Variants in ERBB4 observed in about 807,000 individuals in gnomAD.
The protein encoded by ERBB4 is erb-b2 receptor tyrosine kinase 4.
In ERBB4, 42 loss-of-function variants were observed where a neutral mutation model predicts 158.0. The observed-to-expected ratio is 0.27, with a 90% CI of 0.21 to 0.34. ERBB4 has a LOEUF of 0.34. Ranked by LOEUF, ERBB4 falls within the 10% of genes least tolerant of loss-of-function variation. The pLI is 1.00. For missense variants in ERBB4, 1,333 were observed against 1,624.1 expected (o/e 0.82, Z 3.08); for synonymous variants, 583 against 558.7 (o/e 1.04, Z -0.61).
At chr2:212,436,345 T>A (rs2092136767) in intron 1 of ERBB4, among the ~76,000 whole-genome samples, 1 of 151,826 alleles carries the variant, frequency 6.6e-6, no homozygotes, top group South Asian at 2.1e-4. Context: ...AAACAAAAAA[T>A]TTAGAAAGGC....
intron 5 of ERBB4, among the ~76,000 whole-genome samples, chr2:211,744,086 G>T (rs1283975233): frequency 6.6e-6 from 1 of 152,070 alleles, no homozygotes; most frequent in African/African-American, 2.4e-5. Flanking sequence ...TAAGTTGAAT[G>T]AGTTTGTTTT....
intron 20 of ERBB4, among the ~76,000 whole-genome samples, chr2:211,509,842 A>T (rs972961440): frequency 6.6e-6 from 1 of 152,158 alleles, no homozygotes; most frequent in African/African-American, 2.4e-5. Flanking sequence ...ACATGAAAAA[A>T]TGACCAACAT....
intron 19 of ERBB4, among the ~76,000 whole-genome samples, chr2:211,618,272 T>G (rs1175537027): frequency 2.0e-5 from 3 of 152,104 alleles, no homozygotes; most frequent in Non-Finnish European, 4.4e-5. Flanking sequence ...TAAAACAGTA[T>G]GGTTAATTTT....
chr2:211,803,462 G>A (rs1231915574), intron 3 of ERBB4, among the ~76,000 whole-genome samples: 3 of 152,104 alleles, frequency 2.0e-5, no homozygotes, highest in African/African-American at 2.4e-5. Flanking sequence ...CTGGTATTTG[G>A]TTTTAATGGG....
At chr2:212,512,466 C>T (rs1035012619) in intron 1 of ERBB4, among the ~76,000 whole-genome samples, 1 of 151,860 alleles carries the variant, frequency 6.6e-6, no homozygotes, top group Non-Finnish European at 1.5e-5. Context: ...ATGGCAGAAC[C>T]CAATAAATAG....
At chr2:212,227,558 C>T (rs891894529) in intron 1 of ERBB4, among the ~76,000 whole-genome samples, 3 of 152,088 alleles carry the variant, frequency 2.0e-5, no homozygotes, top group African/African-American at 7.2e-5. Context: ...AGAACCAATT[C>T]CTTCAAAATA....
Position 211,637,723 on chromosome 2 carries a change from C to T in ERBB4, c.1947-7129G>A, listed in dbSNP as rs142370663. ...ATAGTTTCACAATAACGATGTAACA[C>T]ATATCTTGTAAACTCCATATTAAAT... On this transcript the variant is annotated intron_variant, in intron 16 of 27. Transcript: ENST00000342788. Among the ~76,000 whole-genome samples, 613 of 152,046 alleles carry T rather than the reference C, an allele frequency of 4.0e-3. 4 individuals carry two copies. Among genetic ancestry groups the T allele is most frequent in the South Asian group, 0.017 (84 of 4,828 alleles).
At chr2:212,059,016 T>C (rs1311266264) in intron 2 of ERBB4, among the ~76,000 whole-genome samples, 1 of 152,178 alleles carries the variant, frequency 6.6e-6, no homozygotes, top group Non-Finnish European at 1.5e-5. Context: ...TGTTTGCAGA[T>C]GACATGATTG....
chr2:212,158,675 G>A (rs985617974), intron 1 of ERBB4, among the ~76,000 whole-genome samples: 5 of 151,916 alleles, frequency 3.3e-5, no homozygotes, highest in African/African-American at 4.8e-5. Context: ...ATTCTCTAAG[G>A]AAAGAGACAA....
At chr2:212,327,395 G>A (rs1163456498) in intron 1 of ERBB4, among the ~76,000 whole-genome samples, 2 of 151,872 alleles carry the variant, frequency 1.3e-5, no homozygotes, top group Non-Finnish European at 2.9e-5. Context: ...GCAATCCAAG[G>A]CCTGTTCTCA....
At chr2:211,631,384 C>A (rs932451542) in intron 16 of ERBB4, among the ~76,000 whole-genome samples, 4 of 152,092 alleles carry the variant, frequency 2.6e-5, no homozygotes, top group Non-Finnish European at 4.4e-5. Flanking sequence ...AGAATTGGTT[C>A]AGACATGTTT....
intron 20 of ERBB4, among the ~76,000 whole-genome samples, chr2:211,497,167 TAATTA>T (rs2065490005): frequency 2.0e-5 from 3 of 152,100 alleles, no homozygotes; most frequent in Admixed American, 1.3e-4. Context: ...ATCTAAATTA[TAATTA>T]AATATATGTT....
At chr2:212,300,669 A>G (rs1158461586) in intron 1 of ERBB4, among the ~76,000 whole-genome samples, 1 of 151,476 alleles carries the variant, frequency 6.6e-6, no homozygotes, top group Admixed American at 6.6e-5. Context: ...GCCAGAGTTA[A>G]ATATATCTAC....
chr2:212,199,817 C>G (rs1298455115), intron 1 of ERBB4, among the ~76,000 whole-genome samples: 1 of 152,026 alleles, frequency 6.6e-6, no homozygotes, highest in African/African-American at 2.4e-5. Flanking sequence ...CTGAAGGACT[C>G]CAGAGACAGC....
chr2:212,459,709 T>C (rs1299357882), intron 1 of ERBB4, among the ~76,000 whole-genome samples: 1 of 152,072 alleles, frequency 6.6e-6, no homozygotes, highest in African/African-American at 2.4e-5. Flanking sequence ...AGCTGCAGTA[T>C]CCAACATAGC....
At chr2:211,533,924 G>A (rs1169999579) in intron 20 of ERBB4, among the ~76,000 whole-genome samples, 1 of 152,024 alleles carries the variant, frequency 6.6e-6, no homozygotes, top group South Asian at 2.1e-4. Flanking sequence ...TTACTGAAGA[G>A]TAGAAAGTTC....
rs781423637 is a variant in ERBB4, at chr2:212,275,164, G to C, written c.83-150261C>G. ...ACATGTGCCAAATTTTCTTTATCCA[G>C]TCTATCATTGATGGGTATTTGGATT... is the stretch of plus-strand genomic sequence containing the variant. On this transcript the variant is annotated intron_variant, in intron 1 of 27. Coordinates refer to ENST00000342788, the MANE Select transcript of ERBB4 (RefSeq NM_005235.3). Among the ~76,000 whole-genome samples the C allele has an allele frequency of 5.0e-4, 76 of 151,852 alleles. 1 individual carries two copies. Among genetic ancestry groups the C allele is most frequent in the East Asian group, 3.9e-4 (2 of 5,150 alleles).
intron 1 of ERBB4, among the ~76,000 whole-genome samples, chr2:212,215,369 A>G (rs1213517711): frequency 1.3e-5 from 2 of 151,534 alleles, no homozygotes; most frequent in Non-Finnish European, 3.0e-5. Flanking sequence ...ACAAAAGCTG[A>G]AAAGTCTAAG....
Position 211,657,843 on chromosome 2 carries a change from A to G in ERBB4, c.1872-15T>C. 6.2e-7 allele frequency: 1 copy of G among 1,612,930 alleles called. No individual in the cohort carries two copies. The highest frequency in any genetic ancestry group is 8.5e-7 in the Non-Finnish European group (1 of 1,178,918). On this transcript the variant is annotated splice_polypyrimidine_tract_variant and intron_variant, in intron 15 of 27. Transcript: ENST00000342788. ...GACCGTTACACCTGCAGGCAATTACAGAACAGAAAACATCATTCTCCATCC... is the reference window on the plus strand; with the variant it reads ...GACCGTTACACCTGCAGGCAATTACGGAACAGAAAACATCATTCTCCATCC...
Sources: allele counts gnomAD v4.1 joint callset (sites outside exome capture counted in the v4.1 genomes callset), GRCh38; gene constraint gnomAD v4.1.1; transcripts MANE v1.5; gene names NCBI Gene and HGNC (gene_info 2026-07-23, HGNC 2026-07-21).